The following CYP7B1 variants were observed in gnomAD, a reference collection of about 807,000 sequenced individuals.
CYP7B1 encodes cytochrome P450 family 7 subfamily B member 1.
In CYP7B1, 29 loss-of-function variants were observed where a neutral mutation model predicts 42.7. That is an observed-to-expected ratio of 0.68 (90% CI 0.51 to 0.93). CYP7B1 has a LOEUF of 0.93. Among genes scored for constraint, CYP7B1 ranks in the 40% least tolerant of loss-of-function variants. CYP7B1 has a pLI of 0.00. For synonymous variants in CYP7B1, 235 were observed against 218.2 expected (o/e 1.08, Z -0.68); for missense variants, 655 against 600.5 (o/e 1.09, Z -0.95).
chr8:64,646,638 T>G (rs1267947982), intron 1 of CYP7B1, among the ~76,000 whole-genome samples: 1 of 152,236 alleles, frequency 6.6e-6, no homozygotes, highest in East Asian at 1.9e-4. Context: ...ATGGAAATTC[T>G]GTTGTTTCAT....
At chr8:64,743,732 C>T (rs188893353) in intron 1 of CYP7B1, among the ~76,000 whole-genome samples, 77 of 152,228 alleles carry the variant, frequency 5.1e-4, no homozygotes, top group Non-Finnish European at 8.7e-4. Context: ...GACCCTATCT[C>T]CAAATGCAGT....
chr8:64,640,071 A>G (rs533196350), intron 1 of CYP7B1, among the ~76,000 whole-genome samples: 1 of 152,258 alleles, frequency 6.6e-6, no homozygotes, highest in South Asian at 2.1e-4. Context: ...GATTCCATTT[A>G]TATGAAATTT....
At chr8:64,590,732 T>A (rs909216107), downstream of CYP7B1, among the ~76,000 whole-genome samples, 1 of 152,162 alleles carries the variant, frequency 6.6e-6, no homozygotes, top group Non-Finnish European at 1.5e-5. Flanking sequence ...GGGCAAGAAA[T>A]GGAGATGAGG....
chr8:64,651,217 T>C (rs1326621447), intron 1 of CYP7B1, among the ~76,000 whole-genome samples: 1 of 152,216 alleles, frequency 6.6e-6, no homozygotes, highest in Non-Finnish European at 1.5e-5. Context: ...CTCAGTCTTC[T>C]ATTATGCAGG....
chr8:64,721,913 T>C lies in CYP7B1; in HGVS notation c.122+76553A>G, dbSNP rs953152270. On this transcript the variant is annotated intron_variant, in intron 1 of 5. Coordinates refer to ENST00000310193, the MANE Select transcript of CYP7B1 (RefSeq NM_004820.5). ...AATCTGTATTATTCCACCAAGAATG[T>C]CAGTTTATAGAAATTTGATTATTGT... 3.3e-5 allele frequency among the ~76,000 whole-genome samples: 5 copies of C among 152,072 alleles called. No homozygotes were observed. In the East Asian group the frequency reaches 9.6e-4, roughly 29 times the overall value.
At position 64,592,252 on chromosome 8, in the gene CYP7B1, A is replaced by T. The variant is rs1308770600; in HGVS notation, c.*4390T>A. The stretch of plus-strand genomic sequence containing the variant: ...TTTTTAAAAATTCTAAGCCTCAATG[A>T]CTATATTTGGTTTTAATTATCATAT... On this transcript the variant is annotated 3_prime_UTR_variant, in exon 6 of 6. Coordinates refer to ENST00000310193, the MANE Select transcript of CYP7B1 (RefSeq NM_004820.5). Among the ~76,000 whole-genome samples the T allele has an allele frequency of 6.6e-6, 1 of 151,978 alleles. No homozygotes were observed.
Position 64,595,026 on chromosome 8 carries a change from C to A in CYP7B1, c.*1616G>T, listed in dbSNP as rs1166329833. On this transcript the variant is annotated 3_prime_UTR_variant, in exon 6 of 6. Transcript: ENST00000310193. ...GTAGTCAGAGAGAAGAGACAGACTA[C>A]CTATTGAGTAATTAAACTCACTAAC... Among the ~76,000 whole-genome samples the A allele has an allele frequency of 6.6e-6, 1 of 152,224 alleles. No individual in the cohort carries two copies. Among genetic ancestry groups the A allele is most frequent in the African/African-American group, 2.4e-5 (1 of 41,460 alleles).
chr8:64,740,112 C>T (rs755165524), intron 1 of CYP7B1, among the ~76,000 whole-genome samples: 50 of 151,900 alleles, frequency 3.3e-4, no homozygotes, highest in Non-Finnish European at 5.4e-4. Context: ...AAGAAAAACC[C>T]GTAAAATAAA....
intron 1 of CYP7B1, among the ~76,000 whole-genome samples, chr8:64,705,813 T>G (rs1393455986): frequency 6.6e-6 from 1 of 152,110 alleles, no homozygotes; most frequent in East Asian, 1.9e-4. Context: ...CATCTTTCTT[T>G]TCCAATTACA....
chr8:64,714,789 T>C (rs897420025), intron 1 of CYP7B1, among the ~76,000 whole-genome samples: 15 of 152,036 alleles, frequency 9.9e-5, no homozygotes, highest in South Asian at 2.1e-4. Flanking sequence ...GATTTTTTTT[T>C]AAAGGTAAAG....
intron 2 of CYP7B1, among the ~76,000 whole-genome samples, chr8:64,618,570 T>TTCTCTCTCTCTCTCTCTCTCTCTCTC (rs10530120): frequency 3.4e-5 from 5 of 146,248 alleles, no homozygotes; most frequent in African/African-American, 1.3e-4. Context: ...CACATTCATT[T>TTCTCTCTCTCTCTCTCTCTCTCTCTC]TCTCTCTCTC....
intron 1 of CYP7B1, among the ~76,000 whole-genome samples, chr8:64,766,873 G>A (rs1197771622): frequency 6.6e-6 from 1 of 152,086 alleles, no homozygotes; most frequent in Non-Finnish European, 1.5e-5. Flanking sequence ...CAGCCAGGAG[G>A]TAAACTGTCT....
At chr8:64,629,363 G>A (rs969029527) in intron 1 of CYP7B1, among the ~76,000 whole-genome samples, 6 of 151,954 alleles carry the variant, frequency 3.9e-5, no homozygotes, top group Non-Finnish European at 8.8e-5. Context: ...CTAAGTAGGT[G>A]GTGAGCAACC....
chr8:64,783,029 A>T (rs1489002216), intron 1 of CYP7B1, among the ~76,000 whole-genome samples: 1 of 152,194 alleles, frequency 6.6e-6, no homozygotes, highest in Non-Finnish European at 1.5e-5. Context: ...ATTAATCAAG[A>T]GCCACAGAGG....
intron 1 of CYP7B1, among the ~76,000 whole-genome samples, chr8:64,652,903 G>T (rs546775047): frequency 3.6e-4 from 55 of 151,988 alleles, no homozygotes; most frequent in African/African-American, 1.3e-3. Flanking sequence ...CTCCCTTTTG[G>T]GTAAATAATT....
intron 1 of CYP7B1, among the ~76,000 whole-genome samples, chr8:64,665,010 T>A (rs1022108638): frequency 6.6e-6 from 1 of 152,202 alleles, no homozygotes; most frequent in African/African-American, 2.4e-5. Flanking sequence ...GCCAGTGAAT[T>A]GGACCTTGGC....
intron 1 of CYP7B1, among the ~76,000 whole-genome samples, chr8:64,774,238 C>T (rs1051731567): frequency 1.3e-5 from 2 of 152,198 alleles, no homozygotes; most frequent in East Asian, 1.9e-4. Context: ...GGATTATTTA[C>T]GTACCTCTAT....
intron 1 of CYP7B1, among the ~76,000 whole-genome samples, chr8:64,737,513 A>G (rs1017815774): frequency 6.6e-6 from 1 of 152,182 alleles, no homozygotes; most frequent in Admixed American, 6.5e-5. Context: ...TCATCCTGCT[A>G]GTTCCCTCAT....
intron 1 of CYP7B1, among the ~76,000 whole-genome samples, chr8:64,704,526 A>T (rs1459445149): frequency 6.6e-6 from 1 of 152,048 alleles, no homozygotes; most frequent in African/African-American, 2.4e-5. Context: ...AAAAGGTATA[A>T]CCTTATTTCA....
Sources: gnomAD v4.1 joint callset for allele counts (sites outside exome capture counted in the v4.1 genomes callset) on GRCh38, gnomAD v4.1.1 for gene constraint, MANE v1.5 for transcripts, NCBI Gene and HGNC (gene_info 2026-07-23, HGNC 2026-07-21) for gene names.